The following SLC4A10 variants were observed in gnomAD, a reference collection of about 807,000 sequenced individuals.
SLC4A10 encodes sodium-driven chloride bicarbonate exchanger.
Under a neutral mutation model 137.7 loss-of-function variants are expected in SLC4A10, and 42 were observed. The ratio of observed to expected loss-of-function variants is 0.30; its 90% CI spans 0.24 to 0.39. The LOEUF is 0.39. Ranked by LOEUF, SLC4A10 falls within the 10% of genes least tolerant of loss-of-function variation. The probability of loss-of-function intolerance (pLI) is 1.00; values close to 1 mark genes in which losing one functional copy is unlikely to be tolerated. For synonymous variants in SLC4A10, 474 were observed against 464.1 expected (o/e 1.02, Z -0.27); for missense variants, 925 against 1,355.0 (o/e 0.68, Z 4.98).
intron 1 of SLC4A10, among the ~76,000 whole-genome samples, chr2:161,632,884 C>T (rs1434895502): frequency 6.6e-6 from 1 of 151,604 alleles, no homozygotes; most frequent in East Asian, 1.9e-4. Context: ...TGCTGGGAGA[C>T]TAAGTTTTGC....
intron 1 of SLC4A10, among the ~76,000 whole-genome samples, chr2:161,704,093 G>C (rs576808713): frequency 6.6e-6 from 1 of 151,698 alleles, no homozygotes; most frequent in Non-Finnish European, 1.5e-5. Flanking sequence ...AGTACTCTCA[G>C]TGCTTTCTAT....
chr2:161,926,345 G>A (rs1330140166), intron 15 of SLC4A10, among the ~76,000 whole-genome samples: 3 of 78,986 alleles, frequency 3.8e-5, no homozygotes, highest in Non-Finnish European at 5.5e-5. Context: ...TTTAAAGTCT[G>A]TTTTATCAGA....
At chr2:161,977,167 C>G in intron 25 of SLC4A10, 1 of 298,684 alleles carries the variant, frequency 3.3e-6, no homozygotes, top group East Asian at 7.5e-5. Flanking sequence ...TCATCACCCA[C>G]TTCCCCCAGG....
intron 21 of SLC4A10, among the ~76,000 whole-genome samples, chr2:161,960,754 T>C (rs1575858431): frequency 6.7e-6 from 1 of 149,560 alleles, no homozygotes; most frequent in Non-Finnish European, 1.5e-5. Flanking sequence ...GAGAAAGAGA[T>C]TAGAGTTTTG....
In SLC4A10 at chr2:161,984,919, AT is replaced by A. The variant is rs1246836062; in HGVS notation, c.*1768del. 6.6e-6 allele frequency: 1 copy of A among 152,068 alleles called. No individual in the cohort carries two copies. The highest frequency in any genetic ancestry group is 2.4e-5 in the African/African-American group (1 of 41,452). 9.4% of individuals were successfully genotyped at this position (152,068 alleles called of 1,614,324 possible). Reference sequence around the variant, plus strand: ...TATATTAATAACTGTTTTGTTAAAAATGATCATAGTGAATTTAAATCTTCAC... The same window carrying A: ...TATATTAATAACTGTTTTGTTAAAAAGATCATAGTGAATTTAAATCTTCAC... On this transcript the variant is annotated 3_prime_UTR_variant, in exon 27 of 27. Coordinates refer to ENST00000446997, the MANE Select transcript of SLC4A10 (RefSeq NM_001178015.2).
At chr2:161,680,568 T>A (rs1331030495) in intron 1 of SLC4A10, among the ~76,000 whole-genome samples, 3 of 150,392 alleles carry the variant, frequency 2.0e-5, no homozygotes, top group Non-Finnish European at 4.5e-5. Context: ...CTTGAGGATC[T>A]GATAGAGAGT....
chr2:161,952,406 G>A (rs1559613978), intron 19 of SLC4A10, among the ~76,000 whole-genome samples: 3 of 152,154 alleles, frequency 2.0e-5, no homozygotes, highest in Non-Finnish European at 2.9e-5. Flanking sequence ...TAACAAAAAT[G>A]TAGTAAAGCA....
intron 1 of SLC4A10, 62 bp from the exon 2 acceptor site, chr2:161,770,911 G>T: frequency 8.1e-7 from 1 of 1,234,016 alleles, no homozygotes; most frequent in Non-Finnish European, 1.2e-6. Flanking sequence ...ATCAAGGTTT[G>T]TTTTTTGAAA....
At chr2:161,829,487 G>A (rs371378933) in intron 3 of SLC4A10, among the ~76,000 whole-genome samples, 1 of 152,066 alleles carries the variant, frequency 6.6e-6, no homozygotes, top group African/African-American at 2.4e-5. Context: ...ATTAATTGCC[G>A]AGTTAAAGGA....
chr2:161,857,400 C>G (rs2060164680), intron 5 of SLC4A10, among the ~76,000 whole-genome samples: 1 of 152,030 alleles, frequency 6.6e-6, no homozygotes, highest in Non-Finnish European at 1.5e-5. Flanking sequence ...CAGTGTAGAA[C>G]AGCCTGTAAA....
intron 3 of SLC4A10, among the ~76,000 whole-genome samples, chr2:161,838,793 A>G (rs929850888): frequency 3.9e-5 from 6 of 152,264 alleles, no homozygotes; most frequent in African/African-American, 7.2e-5. Context: ...TAGAATGGCT[A>G]CAAAACAACT....
At chr2:161,692,810 G>T (rs1335766317) in intron 1 of SLC4A10, among the ~76,000 whole-genome samples, 1 of 151,928 alleles carries the variant, frequency 6.6e-6, no homozygotes, top group Non-Finnish European at 1.5e-5. Context: ...ACTCGTCCAA[G>T]TTCGATGCTA....
intron 2 of SLC4A10, among the ~76,000 whole-genome samples, chr2:161,786,841 A>G (rs374398129): frequency 2.0e-5 from 3 of 151,016 alleles, no homozygotes; most frequent in Non-Finnish European, 3.0e-5. Flanking sequence ...GCTTTATGAC[A>G]TAAAAGAGTA....
chr2:161,839,582 T>G (rs935524968), intron 3 of SLC4A10, among the ~76,000 whole-genome samples: 2 of 152,126 alleles, frequency 1.3e-5, no homozygotes, highest in Non-Finnish European at 2.9e-5. Context: ...ATATTTATTT[T>G]CCCCAATTAT....
chr2:161,624,637 A>C (rs2031889670), intron 1 of SLC4A10, 71 bp downstream of exon 1: 2 of 1,545,808 alleles, frequency 1.3e-6, no homozygotes, highest in Admixed American at 3.9e-5. Context: ...GCGGTCTGCT[A>C]GCTAGGTGCA....
chr2:161,909,077 T>A (rs1406434900), intron 15 of SLC4A10, among the ~76,000 whole-genome samples: 1 of 99,158 alleles, frequency 1.0e-5, no homozygotes, highest in Non-Finnish European at 1.9e-5. Flanking sequence ...CACTGGGGAC[T>A]GTTGTGGGGT....
At chr2:161,648,844 A>T (rs1262356403) in intron 1 of SLC4A10, among the ~76,000 whole-genome samples, 1 of 152,202 alleles carries the variant, frequency 6.6e-6, no homozygotes, top group African/African-American at 2.4e-5. Flanking sequence ...CAGTCTGTGT[A>T]ACTATTTCTC....
chr2:161,685,640 AAAAAAAC>A (rs2041323712), intron 1 of SLC4A10, among the ~76,000 whole-genome samples: 2 of 150,602 alleles, frequency 1.3e-5, no homozygotes, highest in African/African-American at 2.4e-5. Flanking sequence ...ACAAACAAAA[AAAAAAAC>A]AAAGAAATTG....
intron 15 of SLC4A10, among the ~76,000 whole-genome samples, chr2:161,908,532 C>T (rs975684629): frequency 4.0e-5 from 6 of 148,404 alleles, no homozygotes; most frequent in African/African-American, 5.0e-5. Flanking sequence ...CACATGTATA[C>T]ATATGTAACA....
Sources: allele counts gnomAD v4.1 joint callset (sites outside exome capture counted in the v4.1 genomes callset), GRCh38; gene constraint gnomAD v4.1.1; transcripts MANE v1.5; gene names NCBI Gene and HGNC (gene_info 2026-07-23, HGNC 2026-07-21).